Variants in ZNF710 observed in about 807,000 individuals in gnomAD.
ZNF710 encodes the protein zinc finger protein 710.
Under a neutral mutation model 50.6 loss-of-function variants are expected in ZNF710, and 13 were observed. That is an observed-to-expected ratio of 0.26 (90% CI 0.17 to 0.41). ZNF710 has a LOEUF of 0.41. ZNF710 is among the 10% of genes least tolerant of loss of function. The pLI is 1.00. For synonymous variants in ZNF710, 383 were observed against 397.0 expected (o/e 0.96, Z 0.42); for missense variants, 721 against 936.6 (o/e 0.77, Z 3.01).
In ZNF710 at chr15:90,074,214, G is replaced by C; in HGVS notation, c.1749G>C (p.Lys583Asn). ...KPFKCPYCSS[K>N]FNLKGNLSRH... is the part of the protein sequence containing the mutation. ...TCAAGTGCCCCTACTGCTCCAGCAA[G>C]TTTAATCTCAAGGGCAACCTGAGCC... Residue 583 changes from lysine to asparagine, a missense_variant, in exon 4 of 5, where the codon AAG becomes AAC. By Grantham distance (94) the Lys-to-Asn change is moderately conservative. Around this residue, in one of 3 missense-constraint regions of ZNF710, gnomAD observed 326 missense variants for 522.0 expected, o/e 0.62. Coordinates refer to ENST00000268154, the MANE Select transcript of ZNF710 (RefSeq NM_198526.4). 1.2e-6 allele frequency: 2 copies of C among 1,613,520 alleles called. No homozygotes were observed. Among genetic ancestry groups the C allele is most frequent in the Non-Finnish European group, 1.7e-6 (2 of 1,179,840 alleles).
At chr15:90,016,552 C>T (rs1898461327) in intron 1 of ZNF710, among the ~76,000 whole-genome samples, 1 of 152,202 alleles carries the variant, frequency 6.6e-6, no homozygotes, top group Non-Finnish European at 1.5e-5. Context: ...AGTGATCCTC[C>T]TGCCTCGGCC....
Position 90,034,943 on chromosome 15 carries a change from G to A in ZNF710, c.-28-32167G>A, listed in dbSNP as rs1403071455. 4.6e-5 allele frequency among the ~76,000 whole-genome samples: 7 copies of A among 152,184 alleles called. No individual in the cohort carries two copies. Among genetic ancestry groups the A allele is most frequent in the Non-Finnish European group, 7.3e-5 (5 of 68,030 alleles). On this transcript the variant is annotated intron_variant, in intron 1 of 4. Transcript: ENST00000268154. This position sits in a 1 kb window ranked among gnomAD's most constrained non-coding sequence, Gnocchi z 4.0. ...ACTCAGAGAAAGAGGCTTGATGGCC[G>A]GAGCCCCAGGGCTTCCCTGCTGGTA...
intron 1 of ZNF710, among the ~76,000 whole-genome samples, chr15:90,064,411 A>C (rs979775592): frequency 3.9e-5 from 6 of 152,236 alleles, no homozygotes; most frequent in African/African-American, 1.2e-4. Flanking sequence ...TTTGGGGCCC[A>C]AGAATGGAAA....
chr15:90,056,021 G>C (rs1156356242), intron 1 of ZNF710, among the ~76,000 whole-genome samples: 2 of 151,842 alleles, frequency 1.3e-5, no homozygotes, highest in African/African-American at 2.4e-5. Context: ...GGAGGCTGAG[G>C]CAGGAGAATC....
intron 1 of ZNF710, among the ~76,000 whole-genome samples, chr15:90,061,154 C>T (rs72758614): frequency 0.15 from 21,999 of 151,650 alleles, 2,058 homozygotes; most frequent in African/African-American, 0.25. Flanking sequence ...CTTGCTTTTT[C>T]TTTATTTCTA....
At chr15:90,018,016 G>A (rs1018576400) in intron 1 of ZNF710, among the ~76,000 whole-genome samples, 3 of 151,918 alleles carry the variant, frequency 2.0e-5, no homozygotes, top group African/African-American at 7.3e-5. Flanking sequence ...CGCTCTGGAC[G>A]TCCTACCCAG....
At chr15:90,005,369 G>C (rs1370635181) in intron 1 of ZNF710, among the ~76,000 whole-genome samples, 1 of 152,214 alleles carries the variant, frequency 6.6e-6, no homozygotes, top group Non-Finnish European at 1.5e-5. Context: ...AGGTGAGGCA[G>C]GAGGGGGCTG....
chr15:90,028,039 TAATG>T (rs1168377046), intron 1 of ZNF710, among the ~76,000 whole-genome samples: 2 of 152,174 alleles, frequency 1.3e-5, no homozygotes, highest in East Asian at 1.9e-4. Flanking sequence ...TTGAAGAAAT[TAATG>T]AATGCAATAC....
Position 90,062,257 on chromosome 15 carries a change from C to A in ZNF710, c.-28-4853C>A, listed in dbSNP as rs1057329792. On this transcript the variant is annotated intron_variant, in intron 1 of 4. Coordinates refer to ENST00000268154, the MANE Select transcript of ZNF710 (RefSeq NM_198526.4). The surrounding 1 kb of genome is among the most constrained non-coding windows in gnomAD (Gnocchi z 5.6). The stretch of plus-strand genomic sequence containing the variant: ...CTCTCTGATATGTCCTCCCTTCCCC[C>A]ACTCCCAGCACAACTACAATCAGGC... Among the ~76,000 whole-genome samples the A allele has an allele frequency of 2.6e-5, 4 of 151,928 alleles. No individual in the cohort carries two copies. The highest frequency in any genetic ancestry group is 9.7e-5 in the African/African-American group (4 of 41,314).
chr15:90,021,564 T>C (rs1477031084), intron 1 of ZNF710, among the ~76,000 whole-genome samples: 1 of 152,220 alleles, frequency 6.6e-6, no homozygotes, highest in African/African-American at 2.4e-5. Flanking sequence ...ACTTCCTTCA[T>C]TCAATCAGCA....
At chr15:90,054,315 G>A (rs1008635964) in intron 1 of ZNF710, among the ~76,000 whole-genome samples, 7 of 152,154 alleles carry the variant, frequency 4.6e-5, no homozygotes, top group Admixed American at 1.3e-4. Context: ...TGGAGAAGGC[G>A]GAGGGCTTGG....
intron 2 of ZNF710, among the ~76,000 whole-genome samples, chr15:90,071,144 C>T (rs1402366402): frequency 2.5e-4 from 38 of 151,986 alleles, no homozygotes; most frequent in Admixed American, 2.4e-3. Flanking sequence ...GCCTGTAGTC[C>T]CAGCTACTCG....
chr15:90,063,616 G>A (rs1205886458), intron 1 of ZNF710, among the ~76,000 whole-genome samples: 1 of 152,142 alleles, frequency 6.6e-6, no homozygotes, highest in Admixed American at 6.5e-5. Flanking sequence ...TGTTCATATG[G>A]GAAGGGGTTT....
chr15:90,023,567 C>A (rs1898684594), intron 1 of ZNF710, among the ~76,000 whole-genome samples: 2 of 152,186 alleles, frequency 1.3e-5, no homozygotes, highest in African/African-American at 4.8e-5. Context: ...GCCTGTAATC[C>A]CTGTGACTCA....
At chr15:90,037,389 A>T (rs569423584) in intron 1 of ZNF710, among the ~76,000 whole-genome samples, 1 of 152,276 alleles carries the variant, frequency 6.6e-6, no homozygotes, top group African/African-American at 2.4e-5. Flanking sequence ...CGCTCCTTCC[A>T]CTGGGGCTTT....
intron 2 of ZNF710, among the ~76,000 whole-genome samples, chr15:90,072,351 A>C (rs916810390): frequency 3.3e-5 from 5 of 152,168 alleles, no homozygotes; most frequent in South Asian, 2.1e-4. Flanking sequence ...AGGCCCCATG[A>C]ATTAGACCCT....
chr15:90,071,360 T>C (rs1336967059), intron 2 of ZNF710, among the ~76,000 whole-genome samples: 2 of 151,836 alleles, frequency 1.3e-5, no homozygotes, highest in Non-Finnish European at 2.9e-5. Flanking sequence ...ATGTCCCTAT[T>C]ATCAGCCTAA....
intron 4 of ZNF710, among the ~76,000 whole-genome samples, chr15:90,077,648 A>C (rs1444797909): frequency 6.6e-6 from 1 of 152,170 alleles, no homozygotes; most frequent in Admixed American, 6.5e-5. Flanking sequence ...GATATGGGTC[A>C]AGTGACCTTG....
intron 1 of ZNF710, among the ~76,000 whole-genome samples, chr15:90,049,131 G>A (rs182135216): frequency 6.6e-6 from 1 of 152,330 alleles, no homozygotes; most frequent in Admixed American, 6.5e-5. Context: ...GGCTTAAACT[G>A]ACCATTTATC....
Sources: allele counts gnomAD v4.1 joint callset (sites outside exome capture counted in the v4.1 genomes callset), GRCh38; gene constraint gnomAD v4.1.1; regional missense constraint gnomAD v4.1.1; non-coding constraint Gnocchi (gnomAD v3.1); transcripts MANE v1.5; gene names NCBI Gene and HGNC (gene_info 2026-07-23, HGNC 2026-07-21).